Variants in ZNF516 observed in about 807,000 individuals in gnomAD.
ZNF516 encodes zinc finger protein 516.
Under a neutral mutation model 79.7 loss-of-function variants are expected in ZNF516, and 19 were observed. The observed-to-expected ratio is 0.24, with a 90% CI of 0.17 to 0.35. ZNF516 has a LOEUF of 0.35. Among genes scored for constraint, ZNF516 ranks in the 10% least tolerant of loss-of-function variants. The pLI, the probability that ZNF516 is intolerant of heterozygous loss-of-function variation, is 1.00. For synonymous variants in ZNF516, 877 were observed against 739.5 expected (o/e 1.19, Z -3.02); for missense variants, 1,678 against 1,679.5 (o/e 1.00, Z 0.02).
chr18:76,404,819 GA>G (rs1191138283), intron 3 of ZNF516, among the ~76,000 whole-genome samples: 6 of 147,028 alleles, frequency 4.1e-5, no homozygotes, highest in African/African-American at 1.5e-4. Flanking sequence ...ATGTGTGCAC[GA>G]GTTTGCATGT....
chr18:76,402,923 G>C (rs1182264877), intron 3 of ZNF516, among the ~76,000 whole-genome samples: 1 of 152,232 alleles, frequency 6.6e-6, no homozygotes, highest in Non-Finnish European at 1.5e-5. Context: ...TGATCCACTG[G>C]TTGTGCCACA....
chr18:76,381,343 A>G (rs1227774927), intron 3 of ZNF516, among the ~76,000 whole-genome samples: 1 of 152,150 alleles, frequency 6.6e-6, no homozygotes, highest in African/African-American at 2.4e-5. Flanking sequence ...ATGTTTCCGG[A>G]TATCTTAAAA....
rs1236882607 is a variant in ZNF516 at position 76,467,929 on chromosome 18, G to C, written c.-271-4788C>G. Among the ~76,000 whole-genome samples, 1 of 152,190 alleles carries C rather than the reference G, an allele frequency of 6.6e-6. No individual in the cohort carries two copies. The highest frequency in any genetic ancestry group is 1.5e-5 in the Non-Finnish European group (1 of 68,040). ...TATCTGCTGACTGCTAACTCCCACTGTCATCCCAGGCAGCCTTGCAAGCAA... is the reference window on the plus strand; with the variant it reads ...TATCTGCTGACTGCTAACTCCCACTCTCATCCCAGGCAGCCTTGCAAGCAA... On this transcript the variant is annotated intron_variant, in intron 1 of 6. Transcript: ENST00000443185. The surrounding 1 kb of genome is among the most constrained non-coding windows in gnomAD (Gnocchi z 4.2).
intron 2 of ZNF516, among the ~76,000 whole-genome samples, chr18:76,445,711 G>C (rs910442429): frequency 6.6e-5 from 10 of 152,214 alleles, no homozygotes; most frequent in African/African-American, 2.4e-4. Flanking sequence ...TAAATGTCAA[G>C]ACACTTCTCC....
chr18:76,433,762 G>T (rs535254056), intron 3 of ZNF516, among the ~76,000 whole-genome samples: 2 of 152,314 alleles, frequency 1.3e-5, no homozygotes, highest in South Asian at 4.1e-4. Flanking sequence ...GAGAAAGGAT[G>T]GGCTTAGTCG....
chr18:76,386,854 T>C (rs1164491446), intron 3 of ZNF516: 1 of 152,222 alleles, frequency 6.6e-6, no homozygotes, highest in Non-Finnish European at 1.5e-5. Context: ...AAATATTTTA[T>C]TCTATAATTT....
At position 76,471,892 on chromosome 18, in the gene ZNF516, C is replaced by A. The variant is rs114124263; in HGVS notation, c.-271-8751G>T. On this transcript the variant is annotated intron_variant, in intron 1 of 6. Coordinates refer to ENST00000443185, the MANE Select transcript of ZNF516 (RefSeq NM_014643.4). Reference sequence around the variant, plus strand: ...CTGGATGTCTCATTCCAGGACATCACGCCCACTAGGACTGTGTCCCTGCAG... The same window carrying A: ...CTGGATGTCTCATTCCAGGACATCAAGCCCACTAGGACTGTGTCCCTGCAG... Among the ~76,000 whole-genome samples the A allele has an allele frequency of 1.6e-3, 248 of 152,286 alleles. 1 individual carries two copies. Among genetic ancestry groups the A allele is most frequent in the African/African-American group, 5.6e-3 (233 of 41,568 alleles).
At chr18:76,482,127 A>G (rs775336703) in intron 1 of ZNF516, among the ~76,000 whole-genome samples, 3 of 152,134 alleles carry the variant, frequency 2.0e-5, no homozygotes, top group Non-Finnish European at 2.9e-5. Flanking sequence ...CCTTCATGGG[A>G]GAACTGATGC....
At chr18:76,422,231 C>A (rs1279049418) in intron 3 of ZNF516, among the ~76,000 whole-genome samples, 1 of 152,098 alleles carries the variant, frequency 6.6e-6, no homozygotes, top group East Asian at 1.9e-4. Context: ...GGCCCTGACC[C>A]AGCAAACCAG....
At position 76,358,146 on chromosome 18, in the gene ZNF516, AT is replaced by A. The variant is rs1176072375; in HGVS notation, c.*4351del. 1 of 152,192 alleles carries A rather than the reference AT, an allele frequency of 6.6e-6. No individual in the cohort carries two copies. Among genetic ancestry groups the A allele is most frequent in the Non-Finnish European group, 1.5e-5 (1 of 68,036 alleles). The allele number at this position is 152,192 out of a possible 1,614,324, so 9.4% of individuals were successfully genotyped here. A position where few individuals can be genotyped will look rare whatever the true frequency, so the allele number is the denominator to read the frequency against. On this transcript the variant is annotated 3_prime_UTR_variant, in exon 7 of 7. Coordinates refer to ENST00000443185, the MANE Select transcript of ZNF516 (RefSeq NM_014643.4). The stretch of plus-strand genomic sequence containing the variant: ...ACAGACCAAAGCGGGCTGTCAAACG[AT>A]TTACGCCACCCTCTGAAATTGGGGA...
At chr18:76,365,737 T>A (rs1323457882) in intron 6 of ZNF516, among the ~76,000 whole-genome samples, 2 of 152,202 alleles carry the variant, frequency 1.3e-5, no homozygotes, top group Non-Finnish European at 2.9e-5. Flanking sequence ...ACCGCCGGGC[T>A]GGAAGAATCA....
intron 3 of ZNF516, among the ~76,000 whole-genome samples, chr18:76,440,223 T>TA (rs2075797397): frequency 6.6e-6 from 1 of 152,168 alleles, no homozygotes; most frequent in African/African-American, 2.4e-5. Flanking sequence ...AAGACGCTAA[T>TA]AAACTCTGTC....
chr18:76,466,043 C>A (rs546016222), intron 1 of ZNF516, among the ~76,000 whole-genome samples: 2 of 152,308 alleles, frequency 1.3e-5, no homozygotes, highest in South Asian at 4.1e-4. Context: ...AAAGAGGCCC[C>A]AAGCAGTCCT....
At chr18:76,390,133 G>C (rs901955706) in intron 3 of ZNF516, among the ~76,000 whole-genome samples, 41 of 152,312 alleles carry the variant, frequency 2.7e-4, no homozygotes, top group African/African-American at 9.6e-4. Flanking sequence ...CCCTCAGAGT[G>C]AATCTATGGT....
chr18:76,444,049 G>A (rs1173457816), intron 2 of ZNF516, among the ~76,000 whole-genome samples: 1 of 152,238 alleles, frequency 6.6e-6, no homozygotes, highest in East Asian at 1.9e-4. Flanking sequence ...AAGGACGAGG[G>A]ACGCATGAAT....
chr18:76,482,657 G>A (rs1320891561), intron 1 of ZNF516, among the ~76,000 whole-genome samples: 1 of 152,204 alleles, frequency 6.6e-6, no homozygotes, highest in Admixed American at 6.5e-5. Context: ...ATGGGTTTCT[G>A]GGAAGGCAGC....
At position 76,442,994 on chromosome 18, in the gene ZNF516, C is replaced by A. The variant is rs746722060; in HGVS notation, c.61G>T (p.Gly21Cys). Reference protein sequence around the residue: ...LRRGPSPTRAGRGHEVDGDKA... With the variant: ...LRRGPSPTRACRGHEVDGDKA... The stretch of plus-strand genomic sequence containing the variant: ...TCCCCATCCACCTCGTGGCCCCGGC[C>A]GGCCCTGGTGGGGCTGGGGCCTCGC... The change falls in exon 3 of 7, where the codon GGC becomes TGC. Residue 21 changes from glycine to cysteine, a missense_variant. Physicochemically the swap from Gly to Cys is radical, Grantham distance 159. Transcript: ENST00000443185. The A allele has an allele frequency of 3.1e-6, 5 of 1,603,232 alleles. No individual in the cohort carries two copies. Among genetic ancestry groups the A allele is most frequent in the Non-Finnish European group, 3.4e-6 (4 of 1,179,380 alleles).
intron 1 of ZNF516, among the ~76,000 whole-genome samples, chr18:76,480,529 A>ATAT (rs374464151): frequency 0.17 from 24,117 of 141,964 alleles, 2,367 homozygotes; most frequent in South Asian, 0.31. Flanking sequence ...ACACACATAT[A>ATAT]TTTTTTTTTT....
At chr18:76,487,515 G>A (rs1189990321) in intron 1 of ZNF516, among the ~76,000 whole-genome samples, 2 of 152,130 alleles carry the variant, frequency 1.3e-5, no homozygotes, top group African/African-American at 4.8e-5. Flanking sequence ...TTAAAGAACA[G>A]GAGACATTCT....
Sources: allele counts gnomAD v4.1 joint callset (sites outside exome capture counted in the v4.1 genomes callset), GRCh38; gene constraint gnomAD v4.1.1; non-coding constraint Gnocchi (gnomAD v3.1); transcripts MANE v1.5; gene names NCBI Gene and HGNC (gene_info 2026-07-23, HGNC 2026-07-21).